The following LRRC4C variants were observed in gnomAD, a reference collection of about 807,000 sequenced individuals.
LRRC4C encodes the protein leucine rich repeat containing 4C, also known as leucine-rich repeat-containing protein 4C.
In LRRC4C, 5 loss-of-function variants were observed where a neutral mutation model predicts 33.6. The ratio of observed to expected loss-of-function variants is 0.15; its 90% CI spans 0.08 to 0.31. LRRC4C has a LOEUF of 0.31. Among genes scored for constraint, LRRC4C ranks in the 10% least tolerant of loss-of-function variants. The probability of loss-of-function intolerance (pLI) is 1.00; values close to 1 mark genes in which losing one functional copy is unlikely to be tolerated. For synonymous variants in LRRC4C, 329 were observed against 302.0 expected (o/e 1.09, Z -0.93); for missense variants, 560 against 796.7 (o/e 0.70, Z 3.58).
At chr11:40,310,075 T>C (rs1275380757) in intron 4 of LRRC4C, among the ~76,000 whole-genome samples, 1 of 152,148 alleles carries the variant, frequency 6.6e-6, no homozygotes, top group Admixed American at 6.5e-5. Context: ...TTTAAGTCCG[T>C]GAAGTATCAG....
intron 1 of LRRC4C, among the ~76,000 whole-genome samples, chr11:41,320,861 T>C (rs1241018683): frequency 6.6e-6 from 1 of 152,178 alleles, no homozygotes; most frequent in African/African-American, 2.4e-5. Context: ...CACATTCAGA[T>C]TGTTGGCAGA....
intron 1 of LRRC4C, among the ~76,000 whole-genome samples, chr11:41,172,230 T>C (rs562178030): frequency 6.6e-6 from 1 of 152,256 alleles, no homozygotes; most frequent in East Asian, 1.9e-4. Context: ...TCTTAATCAA[T>C]AAAGTCTGAA....
intron 3 of LRRC4C, among the ~76,000 whole-genome samples, chr11:40,644,902 T>C (rs187790263): frequency 6.6e-6 from 1 of 151,916 alleles, no homozygotes; most frequent in Admixed American, 6.6e-5. Context: ...TTGCAAGATA[T>C]TGTCATTGGG....
chr11:40,924,100 A>ATGTGTGTG (rs755711151), intron 2 of LRRC4C, among the ~76,000 whole-genome samples: 13 of 144,798 alleles, frequency 9.0e-5, no homozygotes, highest in African/African-American at 1.3e-4. Flanking sequence ...GTGTGTGTGT[A>ATGTGTGTG]TGTGTGTGTG....
At chr11:41,185,800 A>T (rs749661192) in intron 1 of LRRC4C, among the ~76,000 whole-genome samples, 2 of 152,206 alleles carry the variant, frequency 1.3e-5, no homozygotes, top group Non-Finnish European at 2.9e-5. Flanking sequence ...TATAGAAAAA[A>T]GTCACAAATT....
At chr11:40,272,691 T>C (rs1942798178) in intron 4 of LRRC4C, among the ~76,000 whole-genome samples, 1 of 152,148 alleles carries the variant, frequency 6.6e-6, no homozygotes, top group Non-Finnish European at 1.5e-5. Flanking sequence ...TAGTTGCTAG[T>C]GCGAAATGAT....
intron 1 of LRRC4C, among the ~76,000 whole-genome samples, chr11:40,966,256 C>T (rs2136935947): frequency 6.6e-6 from 1 of 152,026 alleles, no homozygotes; most frequent in South Asian, 2.1e-4. Context: ...TTTACATTTG[C>T]ATCTTTACAT....
intron 1 of LRRC4C, among the ~76,000 whole-genome samples, chr11:41,323,792 A>G (rs959593291): frequency 2.6e-5 from 4 of 152,232 alleles, no homozygotes; most frequent in African/African-American, 9.6e-5. Flanking sequence ...CTCTCTGATT[A>G]AGGAATAAAA....
At chr11:40,965,726 A>G (rs1202598763) in intron 1 of LRRC4C, among the ~76,000 whole-genome samples, 1 of 152,014 alleles carries the variant, frequency 6.6e-6, no homozygotes, top group East Asian at 1.9e-4. Flanking sequence ...CCATTGGTCT[A>G]TATCTCTGTT....
intron 1 of LRRC4C, among the ~76,000 whole-genome samples, chr11:41,033,307 G>A (rs1461711116): frequency 1.3e-5 from 2 of 152,020 alleles, no homozygotes; most frequent in African/African-American, 2.4e-5. Context: ...AGAGTCTCAG[G>A]TATGCCTAAG....
At chr11:40,589,196 T>G (rs1958914030) in intron 3 of LRRC4C, among the ~76,000 whole-genome samples, 1 of 152,092 alleles carries the variant, frequency 6.6e-6, no homozygotes, top group Non-Finnish European at 1.5e-5. Context: ...GATAGTTAGC[T>G]CTTCTTGTTG....
rs79191789 is a variant in LRRC4C at position 40,377,133 on chromosome 11, A to T, written c.-269-57412T>A. On this transcript the variant is annotated intron_variant, in intron 3 of 6. Coordinates refer to ENST00000528697, the MANE Select transcript of LRRC4C (RefSeq NM_001258419.2). ...GAATGAGAAATAAAAGAGGCTACTCAACTAATGGCTTTGGGGCTCGGGTTG... is the reference window on the plus strand; with the variant it reads ...GAATGAGAAATAAAAGAGGCTACTCTACTAATGGCTTTGGGGCTCGGGTTG... Among the ~76,000 whole-genome samples the T allele has an allele frequency of 7.2e-5, 11 of 152,284 alleles. No homozygotes were observed. In the East Asian group the frequency reaches 2.1e-3, roughly 29 times the overall value.
intron 1 of LRRC4C, among the ~76,000 whole-genome samples, chr11:41,436,924 T>G: frequency 6.6e-6 from 1 of 152,338 alleles, no homozygotes; most frequent in East Asian, 1.9e-4. Flanking sequence ...CAATGGGTTT[T>G]GATTTGATAA....
Position 40,115,698 on chromosome 11 carries a change from A to C in LRRC4C, c.595T>G (p.Leu199Val), listed in dbSNP as rs1855379131. Residue 199 changes from leucine (L) to valine (V), a missense_variant, in exon 7 of 7, where the codon TTG (leucine) becomes GTG (valine). Around this residue, in one of 3 missense-constraint regions of LRRC4C, gnomAD observed 455 missense variants for 643.8 expected, o/e 0.71. Coordinates refer to ENST00000528697, the MANE Select transcript of LRRC4C (RefSeq NM_001258419.2). This position sits in a 1 kb window ranked among gnomAD's most constrained non-coding sequence, Gnocchi z 6.7. ...CACATGGCAAGGTTCAAATACCTCA[A>C]GTTGGACAGACCTTCAAAGGCACCT... ...SEGAFEGLSN[L>V]RYLNLAMCNL... 1.2e-6 allele frequency: 2 copies of C among 1,614,076 alleles called. No individual in the cohort carries two copies. Among genetic ancestry groups the C allele is most frequent in the Non-Finnish European group, 1.7e-6 (2 of 1,180,030 alleles).
intron 3 of LRRC4C, among the ~76,000 whole-genome samples, chr11:40,630,146 T>C (rs969774582): frequency 7.9e-5 from 12 of 152,134 alleles, no homozygotes; most frequent in African/African-American, 2.9e-4. Context: ...TTATTATGAA[T>C]GTTCCTATAC....
intron 1 of LRRC4C, among the ~76,000 whole-genome samples, chr11:40,967,909 C>A (rs1400739109): frequency 2.6e-5 from 4 of 151,608 alleles, no homozygotes; most frequent in Non-Finnish European, 5.9e-5. Flanking sequence ...AATAAGCTAC[C>A]AATCGCTTAC....
intron 1 of LRRC4C, among the ~76,000 whole-genome samples, chr11:41,158,396 A>C (rs1482217150): frequency 2.6e-5 from 4 of 152,140 alleles, no homozygotes; most frequent in African/African-American, 9.7e-5. Context: ...AATTTAGCTC[A>C]AGACAAATAA....
chr11:41,371,323 T>G (rs976749774), intron 1 of LRRC4C, among the ~76,000 whole-genome samples: 1 of 152,256 alleles, frequency 6.6e-6, no homozygotes, highest in Non-Finnish European at 1.5e-5. Context: ...AATGAAACTT[T>G]CCAAAATCTT....
intron 1 of LRRC4C, among the ~76,000 whole-genome samples, chr11:41,433,343 G>A (rs924095293): frequency 2.6e-5 from 4 of 152,052 alleles, no homozygotes; most frequent in African/African-American, 9.7e-5. Flanking sequence ...CAATTTTCAT[G>A]ATATGTTTAA....
Sources: allele counts gnomAD v4.1 joint callset (sites outside exome capture counted in the v4.1 genomes callset), GRCh38; gene constraint gnomAD v4.1.1; regional missense constraint gnomAD v4.1.1; non-coding constraint Gnocchi (gnomAD v3.1); transcripts MANE v1.5; gene names NCBI Gene and HGNC (gene_info 2026-07-23, HGNC 2026-07-21).